HDAC4: variants seen among roughly 807,000 people sequenced by gnomAD.
HDAC4 encodes histone deacetylase A.
HDAC4 carries 16 observed loss-of-function variants against 135.1 expected under a neutral mutation model. The observed-to-expected ratio is 0.12, with a 90% CI of 0.08 to 0.18. HDAC4 has a LOEUF of 0.18. Among genes scored for constraint, HDAC4 ranks in the 10% least tolerant of loss-of-function variants. The pLI is 1.00. For missense variants in HDAC4, 1,143 were observed against 1,511.8 expected (o/e 0.76, Z 4.05); for synonymous variants, 685 against 653.4 (o/e 1.05, Z -0.74).
chr2:239,241,086 T>C (rs2048152384), intron 2 of HDAC4, among the ~76,000 whole-genome samples: 1 of 152,208 alleles, frequency 6.6e-6, no homozygotes, highest in African/African-American at 2.4e-5. Context: ...AATCCAGTTC[T>C]GTCTCAATTA....
chr2:239,392,709 G>A (rs533432687), intron 1 of HDAC4, among the ~76,000 whole-genome samples: 2 of 152,316 alleles, frequency 1.3e-5, no homozygotes, highest in South Asian at 4.1e-4. Flanking sequence ...CTGGGGGTGG[G>A]TAAGTCCTCA....
chr2:239,096,908 C>T (rs530168600), intron 16 of HDAC4, among the ~76,000 whole-genome samples: 57 of 152,242 alleles, frequency 3.7e-4, no homozygotes, highest in African/African-American at 1.0e-3. Flanking sequence ...GTCCACGGCC[C>T]GGGGCTGGGG....
chr2:239,259,509 G>A (rs1319626340), intron 2 of HDAC4, among the ~76,000 whole-genome samples: 5 of 152,190 alleles, frequency 3.3e-5, no homozygotes, highest in Non-Finnish European at 5.9e-5. Flanking sequence ...ATATGCCAAA[G>A]GGAAATTGGG....
At chr2:239,209,909 C>T (rs148575983) in intron 3 of HDAC4, among the ~76,000 whole-genome samples, 6 of 152,280 alleles carry the variant, frequency 3.9e-5, no homozygotes, top group Non-Finnish European at 8.8e-5. Flanking sequence ...TTAGTGAGGG[C>T]GGAAAGGCAA....
intron 1 of HDAC4, 149 bp from the exon 2 acceptor site, chr2:239,353,067 G>A (rs1345241396): frequency 6.7e-6 from 2 of 297,238 alleles, no homozygotes; most frequent in Non-Finnish European, 6.6e-6. Flanking sequence ...GTGGTGGCAC[G>A]ATCTGGGCTC....
intron 2 of HDAC4, among the ~76,000 whole-genome samples, chr2:239,266,766 G>C (rs1034754634): frequency 6.6e-6 from 1 of 151,934 alleles, no homozygotes; most frequent in African/African-American, 2.4e-5. Context: ...AGCTTGTAAA[G>C]TGGAAGAGGC....
At chr2:239,276,308 C>T (rs997787156) in intron 2 of HDAC4, among the ~76,000 whole-genome samples, 1 of 152,218 alleles carries the variant, frequency 6.6e-6, no homozygotes, top group South Asian at 2.1e-4. Context: ...GGCGTCAAGT[C>T]GTGGTCCCGC....
chr2:239,195,511 C>G (rs1160105751), intron 3 of HDAC4, among the ~76,000 whole-genome samples: 1 of 152,222 alleles, frequency 6.6e-6, no homozygotes, highest in Non-Finnish European at 1.5e-5. Context: ...GAGATGAGAA[C>G]CACAATCGCA....
At chr2:239,319,664 AG>A (rs2053241698) in intron 2 of HDAC4, among the ~76,000 whole-genome samples, 1 of 152,248 alleles carries the variant, frequency 6.6e-6, no homozygotes, top group Non-Finnish European at 1.5e-5. Flanking sequence ...GTTTGAGAGC[AG>A]CCACATCTGA....
intron 1 of HDAC4, among the ~76,000 whole-genome samples, chr2:239,396,372 G>A (rs1321506654): frequency 6.6e-6 from 1 of 151,976 alleles, no homozygotes; most frequent in East Asian, 1.9e-4. Flanking sequence ...TACATGCCAG[G>A]CCCTATTCAA....
At chr2:239,296,328 G>A (rs1023493597) in intron 2 of HDAC4, among the ~76,000 whole-genome samples, 10 of 152,238 alleles carry the variant, frequency 6.6e-5, no homozygotes, top group African/African-American at 2.2e-4. Context: ...GCCAATACCC[G>A]CCTGGACCAG....
chr2:239,263,232 G>C (rs2049484180), intron 2 of HDAC4, among the ~76,000 whole-genome samples: 1 of 151,980 alleles, frequency 6.6e-6, no homozygotes, highest in Non-Finnish European at 1.5e-5. Context: ...CTGTGCAACT[G>C]CACATCAGCC....
chr2:239,260,049 G>A (rs2049262986), intron 2 of HDAC4, among the ~76,000 whole-genome samples: 1 of 152,232 alleles, frequency 6.6e-6, no homozygotes, highest in African/African-American at 2.4e-5. Flanking sequence ...CACCCCCAAC[G>A]CTGTGATTGA....
At position 239,085,051 on chromosome 2, in the gene HDAC4, C is replaced by G. The variant is rs1164580649; in HGVS notation, c.2445-809G>C. On this transcript the variant is annotated intron_variant, in intron 19 of 26. Coordinates refer to ENST00000543185, the MANE Select transcript of HDAC4 (RefSeq NM_001378414.1). ...ATACTGAGACAGACAGACACACACA[C>G]ACACACACACACACACACACACTCT... Among the ~76,000 whole-genome samples, 439 of 151,230 alleles carry G rather than the reference C, an allele frequency of 2.9e-3. 4 individuals carry two copies. The highest frequency in any genetic ancestry group is 0.01 in the African/African-American group (416 of 41,128).
chr2:239,084,781 C>T (rs937273716), intron 19 of HDAC4, among the ~76,000 whole-genome samples: 1 of 148,112 alleles, frequency 6.8e-6, no homozygotes, highest in African/African-American at 2.5e-5. Flanking sequence ...ACACTCCACA[C>T]AGACACACAC....
intron 1 of HDAC4, among the ~76,000 whole-genome samples, chr2:239,365,971 G>T (rs1694177692): frequency 7.1e-6 from 1 of 140,670 alleles, no homozygotes; most frequent in African/African-American, 2.7e-5. Context: ...CATGCACACA[G>T]CAGGGTTGTC....
chr2:239,338,378 G>GC (rs968117096), intron 2 of HDAC4, among the ~76,000 whole-genome samples: 1 of 151,944 alleles, frequency 6.6e-6, no homozygotes, highest in African/African-American at 2.4e-5. Context: ...TTCCATCAGT[G>GC]CCCCAAAATC....
chr2:239,128,898 G>C (rs1276297238), intron 11 of HDAC4, among the ~76,000 whole-genome samples: 2 of 152,172 alleles, frequency 1.3e-5, no homozygotes, highest in Non-Finnish European at 2.9e-5. Context: ...TCGAGCCAGC[G>C]GTGTGAGTGG....
At chr2:239,089,472 C>T (rs2036292890) in intron 18 of HDAC4, among the ~76,000 whole-genome samples, 3 of 152,260 alleles carry the variant, frequency 2.0e-5, no homozygotes, top group African/African-American at 7.2e-5. Context: ...GGATTATAGG[C>T]ATGCGCCACC....
Sources: gnomAD v4.1 joint callset for allele counts (sites outside exome capture counted in the v4.1 genomes callset) on GRCh38, gnomAD v4.1.1 for gene constraint, MANE v1.5 for transcripts, NCBI Gene and HGNC (gene_info 2026-07-23, HGNC 2026-07-21) for gene names.